Variants in SH3BGRL observed in about 807,000 individuals in gnomAD.
SH3BGRL encodes SH3 domain binding glutamate rich protein like, also known as adapter SH3BGRL.
Under a neutral mutation model 9.8 loss-of-function variants are expected in SH3BGRL, and 7 were observed. That is an observed-to-expected ratio of 0.72 (90% CI 0.41 to 1.35). The LOEUF (loss-of-function observed/expected upper bound fraction) is 1.35. SH3BGRL is among the 40% of genes most tolerant of loss of function. The pLI is 0.01. For synonymous variants in SH3BGRL, 36 were observed against 29.1 expected, an observed-to-expected ratio of 1.24 and a Z score of -0.76; for missense variants, 73 against 84.4, an observed-to-expected ratio of 0.86 and a Z score of 0.53.
intron 1 of SH3BGRL, 135 bp downstream of exon 1, chrX:81,202,380 CTTCTTCCCTTTTTTCCCTTTGTTGCA>C (rs1569354958): frequency 1.0e-6 from 1 of 964,276 alleles, no homozygotes; most frequent in Non-Finnish European, 1.3e-6. Context: ...TCCCACCCTT[CTTCTTCCCTTTTTTCCCTTTGTTGCA>C]TCGATTTCAT....
At chrX:81,208,126 G>A (rs2075552887) in intron 1 of SH3BGRL, among the ~76,000 whole-genome samples, 1 of 110,807 alleles carries the variant, frequency 9.0e-6, no homozygotes, top group Non-Finnish European at 1.9e-5. Flanking sequence ...GCCGGGCGTG[G>A]TGGCGGGCAC....
At chrX:81,218,856 G>T (rs1412915617) in intron 1 of SH3BGRL, among the ~76,000 whole-genome samples, 4 of 107,066 alleles carry the variant, frequency 3.7e-5, no homozygotes, top group Non-Finnish European at 5.8e-5. Flanking sequence ...AGAAGTCAAT[G>T]TATCCATCTT....
chrX:81,202,301 G>A, intron 1 of SH3BGRL, 56 bp downstream of exon 1: 1 of 1,099,538 alleles, frequency 9.1e-7, no homozygotes. Context: ...GTCCTCTGCT[G>A]CCCCAGAACC....
chrX:81,291,679 A>T (rs1438100713), intron 3 of SH3BGRL, among the ~76,000 whole-genome samples: 4 of 111,841 alleles, frequency 3.6e-5, no homozygotes, highest in Non-Finnish European at 7.5e-5. Flanking sequence ...CTCATTTGAG[A>T]TGAGGCAAGT....
At position 81,256,086 on chromosome X, in the gene SH3BGRL, A is replaced by G. The variant is rs561417949; in HGVS notation, c.46-20898A>G. Among the ~76,000 whole-genome samples, 29 of 111,842 alleles carry G rather than the reference A, an allele frequency of 2.6e-4. No homozygotes were observed. The South Asian group carries it at 0.01, about 39-fold the overall frequency. ...CTTCCTTACTCCTCATTATTTCACA[A>G]TGTTTTTGGTTTTCCCCCTTTTTCA... On this transcript the variant is annotated intron_variant, in intron 1 of 3. Transcript: ENST00000373212.
chrX:81,265,855 A>G (rs1392224944), intron 1 of SH3BGRL, among the ~76,000 whole-genome samples: 2 of 111,318 alleles, frequency 1.8e-5, no homozygotes, highest in South Asian at 3.8e-4. Flanking sequence ...TTTTTCCACA[A>G]CCTCTCCAGC....
chrX:81,211,586 CAA>C (rs1163175860), intron 1 of SH3BGRL, among the ~76,000 whole-genome samples: 1 of 94,580 alleles, frequency 1.1e-5, no homozygotes, highest in Non-Finnish European at 2.1e-5. Context: ...GACTCCGTCT[CAA>C]AAAAAAAAAA....
At chrX:81,273,230 C>G (rs946346250) in intron 1 of SH3BGRL, among the ~76,000 whole-genome samples, 2 of 112,399 alleles carry the variant, frequency 1.8e-5, no homozygotes, top group African/African-American at 6.5e-5. Flanking sequence ...CCTTATTAAG[C>G]TTAGTCTAAG....
At chrX:81,280,222 C>T in intron 3 of SH3BGRL, among the ~76,000 whole-genome samples, 1 of 110,607 alleles carries the variant, frequency 9.0e-6, no homozygotes, top group Middle Eastern at 4.6e-3. Flanking sequence ...CCTCCCCCAC[C>T]TGATGGTCCT....
At chrX:81,264,534 G>C (rs759586243) in intron 1 of SH3BGRL, among the ~76,000 whole-genome samples, 2 of 111,706 alleles carry the variant, frequency 1.8e-5, no homozygotes, top group East Asian at 5.7e-4. Context: ...CATATAGTAA[G>C]GCTTGGAAAT....
intron 2 of SH3BGRL, 33 bp from the exon 3 acceptor site, chrX:81,278,298 A>G: frequency 9.8e-7 from 1 of 1,015,959 alleles, no homozygotes; most frequent in South Asian, 2.0e-5. Context: ...TTGGTTGCAT[A>G]TTGCTAATTC....
At chrX:81,282,792 C>G (rs2075821997) in intron 3 of SH3BGRL, among the ~76,000 whole-genome samples, 1 of 111,301 alleles carries the variant, frequency 9.0e-6, no homozygotes, top group South Asian at 3.8e-4. Context: ...AAACCAAACC[C>G]AAACCCAGAA....
chrX:81,252,928 T>G (rs1215271681), intron 1 of SH3BGRL, among the ~76,000 whole-genome samples: 1 of 112,775 alleles, frequency 8.9e-6, no homozygotes. Context: ...CAGTTCTGCT[T>G]ACACAACATT....
At chrX:81,224,842 T>C (rs898529776) in intron 1 of SH3BGRL, among the ~76,000 whole-genome samples, 2 of 111,474 alleles carry the variant, frequency 1.8e-5, no homozygotes, top group African/African-American at 6.5e-5. Flanking sequence ...AATAGTCTTT[T>C]CTCCTTCTTT....
chrX:81,222,387 A>T (rs966268815), intron 1 of SH3BGRL, among the ~76,000 whole-genome samples: 6 of 91,404 alleles, frequency 6.6e-5, no homozygotes, highest in East Asian at 3.6e-4. Flanking sequence ...GTGTTCTCAT[A>T]GTTCAATTCC....
chrX:81,264,250 A>G (rs2075749413), intron 1 of SH3BGRL, among the ~76,000 whole-genome samples: 1 of 110,707 alleles, frequency 9.0e-6, no homozygotes, highest in Non-Finnish European at 1.9e-5. Flanking sequence ...CCCCCCCATG[A>G]AAGTAGTGTA....
intron 3 of SH3BGRL, among the ~76,000 whole-genome samples, chrX:81,280,486 C>T (rs1434084590): frequency 8.9e-6 from 1 of 111,867 alleles, no homozygotes; most frequent in East Asian, 2.8e-4. Flanking sequence ...AGATGGTTCA[C>T]ATCGCAGGAC....
intron 3 of SH3BGRL, among the ~76,000 whole-genome samples, chrX:81,286,826 T>G (rs2075836242): frequency 9.0e-6 from 1 of 111,275 alleles, no homozygotes; most frequent in African/African-American, 3.3e-5. Flanking sequence ...TCTGTTTGAT[T>G]GGATGACTCA....
At chrX:81,222,009 A>AATATTATT (rs2075601362) in intron 1 of SH3BGRL, among the ~76,000 whole-genome samples, 1 of 111,734 alleles carries the variant, frequency 8.9e-6, no homozygotes, top group African/African-American at 3.2e-5. Flanking sequence ...TTGTCCCAGA[A>AATATTATT]ATATTATTAT....
Sources: allele counts gnomAD v4.1 joint callset (sites outside exome capture counted in the v4.1 genomes callset), GRCh38; gene constraint gnomAD v4.1.1; transcripts MANE v1.5; gene names NCBI Gene and HGNC (gene_info 2026-07-23, HGNC 2026-07-21).